FRYL: variants seen among roughly 807,000 people sequenced by gnomAD.
FRYL encodes protein furry homolog-like.
In FRYL, 150 loss-of-function variants were observed where a neutral mutation model predicts 351.2. The observed-to-expected ratio is 0.43, with a 90% confidence interval of 0.37 to 0.49. The LOEUF (loss-of-function observed/expected upper bound fraction) is 0.49. Ranked by LOEUF, FRYL falls within the 20% of genes least tolerant of loss-of-function variation. FRYL has a pLI of 0.00. For synonymous variants in FRYL, 1,153 were observed against 1,257.1 expected (o/e 0.92, Z 1.75); for missense variants, 3,036 against 3,619.3 (o/e 0.84, Z 4.13).
At chr4:48,654,938 AT>A (rs1266454985) in intron 3 of FRYL, among the ~76,000 whole-genome samples, 1 of 152,096 alleles carries the variant, frequency 6.6e-6, no homozygotes, top group Admixed American at 6.6e-5. Context: ...GTTTAGAGTT[AT>A]TTTTTTCCAT....
chr4:48,654,099 CTTTG>C (rs1318311819), intron 3 of FRYL, among the ~76,000 whole-genome samples: 6 of 152,148 alleles, frequency 3.9e-5, no homozygotes, highest in Non-Finnish European at 8.8e-5. Context: ...AGATTATCTT[CTTTG>C]TTTATGTTAC....
intron 1 of FRYL, among the ~76,000 whole-genome samples, chr4:48,737,216 C>A: frequency 6.7e-6 from 1 of 148,632 alleles, no homozygotes; most frequent in Non-Finnish European, 1.5e-5. Flanking sequence ...AAAGATCATG[C>A]CACTGCACTC....
At chr4:48,694,390 C>T (rs1302502597) in intron 2 of FRYL, among the ~76,000 whole-genome samples, 1 of 151,848 alleles carries the variant, frequency 6.6e-6, no homozygotes, top group African/African-American at 2.4e-5. Flanking sequence ...CTCTGCTTCC[C>T]GGGCTCAAGC....
Position 48,500,233 on chromosome 4 carries a change from C to T in FRYL, c.8593-13G>A, listed in dbSNP as rs1719241025. On this transcript the variant is annotated splice_polypyrimidine_tract_variant and intron_variant, in intron 62 of 63. Transcript: ENST00000358350. ...ACATGTTGATGACCTAAAACAAATA[C>T]ATCTTTAAGGATCTATTCGTATGTT... is the stretch of plus-strand genomic sequence containing the variant. The T allele has an allele frequency of 2.0e-6, 3 of 1,526,042 alleles. No homozygotes were observed. The highest frequency in any genetic ancestry group is 4.7e-5 in the Admixed American group (2 of 42,516). The allele number at this position is 1,526,042 out of a possible 1,614,324, so 94.5% of individuals were successfully genotyped here. A position where few individuals can be genotyped will look rare whatever the true frequency, so the allele number is the denominator to read the frequency against.
intron 26 of FRYL, among the ~76,000 whole-genome samples, chr4:48,572,454 TGTAA>T (rs1010781890): frequency 6.6e-6 from 1 of 152,352 alleles, no homozygotes; most frequent in Non-Finnish European, 1.5e-5. Flanking sequence ...CAAAATTCTT[TGTAA>T]AGTTTGCAAA....
chr4:48,763,033 T>C lies in FRYL; in HGVS notation c.-384+17045A>G, dbSNP rs774252058. Among the ~76,000 whole-genome samples, 67 of 126,128 alleles carry C rather than the reference T, an allele frequency of 5.3e-4. 1 individual carries two copies. Among genetic ancestry groups the C allele is most frequent in the Non-Finnish European group, 8.8e-4 (56 of 63,598 alleles). The allele number at this position is 126,128 out of a possible 152,430, so 82.7% of individuals were successfully genotyped here. ...AGAGACAAGGCTCAGGTCCTAATAGTAAAGAAAGAATTATGTTGACTGAAT... is the reference window on the plus strand; with the variant it reads ...AGAGACAAGGCTCAGGTCCTAATAGCAAAGAAAGAATTATGTTGACTGAAT... On this transcript the variant is annotated intron_variant, in intron 1 of 63. Transcript: ENST00000358350.
At chr4:48,672,537 A>G (rs1415018170) in intron 3 of FRYL, among the ~76,000 whole-genome samples, 1 of 152,220 alleles carries the variant, frequency 6.6e-6, no homozygotes, top group Non-Finnish European at 1.5e-5. Context: ...TGTAGTAGGA[A>G]AAAGAAGTCC....
chr4:48,729,389 T>A (rs1319779730), intron 1 of FRYL, among the ~76,000 whole-genome samples: 1 of 152,222 alleles, frequency 6.6e-6, no homozygotes, highest in Non-Finnish European at 1.5e-5. Context: ...GCAGCTGTTC[T>A]CCCAGCACGG....
chr4:48,753,342 G>A (rs1239501311), intron 1 of FRYL, among the ~76,000 whole-genome samples: 1 of 151,972 alleles, frequency 6.6e-6, no homozygotes, highest in Non-Finnish European at 1.5e-5. Context: ...AAGTTAGGGG[G>A]GAAGGTGGAG....
intron 19 of FRYL, among the ~76,000 whole-genome samples, chr4:48,585,206 AT>A (rs1741849241): frequency 6.6e-6 from 1 of 152,208 alleles, no homozygotes; most frequent in Non-Finnish European, 1.5e-5. Context: ...AATGTTTCTT[AT>A]TTCCAATGCT....
chr4:48,545,916 C>T lies in FRYL; in HGVS notation c.5279+151G>A, dbSNP rs558119146. The stretch of plus-strand genomic sequence containing the variant: ...ACTGGCACAAAAGAGTCTTTGATTG[C>T]ATCCTAATTTTCAAAATACTGTGCA... On this transcript the variant is annotated intron_variant, in intron 42 of 63. Transcript: ENST00000358350. 2.5e-5 allele frequency: 17 copies of T among 680,358 alleles called. No individual in the cohort carries two copies. The Admixed American group carries it at 2.6e-4, about 10-fold the overall frequency. The allele number at this position is 680,358 out of a possible 1,614,324, so 42.1% of individuals were successfully genotyped here. A position where few individuals can be genotyped will look rare whatever the true frequency, so the allele number is the denominator to read the frequency against.
At chr4:48,517,488 G>A (rs1300079023) in intron 55 of FRYL, among the ~76,000 whole-genome samples, 3 of 152,146 alleles carry the variant, frequency 2.0e-5, no homozygotes, top group Non-Finnish European at 4.4e-5. Context: ...TTTATATGTA[G>A]ATTATGAGAA....
intron 2 of FRYL, among the ~76,000 whole-genome samples, chr4:48,687,492 C>CGGGGGGGGGGGGGAGGGGG (rs1765256219): frequency 6.4e-5 from 3 of 46,566 alleles, no homozygotes; most frequent in Non-Finnish European, 7.4e-5. Flanking sequence ...CAAATGAGGT[C>CGGGGGGGGGGGGGAGGGGG]GGGGGGGGGG....
rs148309863 is a variant in FRYL at position 48,595,706 on chromosome 4, G to A, written c.1140-8C>T. The A allele has an allele frequency of 1.3e-6, 2 of 1,572,838 alleles. No homozygotes were observed. The highest frequency in any genetic ancestry group is 1.7e-4 in the Middle Eastern group (1 of 5,998). On this transcript the variant is annotated splice_region_variant and splice_polypyrimidine_tract_variant and intron_variant, in intron 14 of 63. Coordinates refer to ENST00000358350, the MANE Select transcript of FRYL (RefSeq NM_015030.2). ...ACTATGCTCATAAGACGACTACAGGGAAAAAGATCTAGTCATAGTGAGATC... is the reference window on the plus strand; with the variant it reads ...ACTATGCTCATAAGACGACTACAGGAAAAAAGATCTAGTCATAGTGAGATC...
At chr4:48,600,673 G>A (rs1474674562) in intron 13 of FRYL, among the ~76,000 whole-genome samples, 1 of 152,054 alleles carries the variant, frequency 6.6e-6, no homozygotes, top group Non-Finnish European at 1.5e-5. Flanking sequence ...CAGCCTTCCA[G>A]AAACATTTAA....
intron 53 of FRYL, 51 bp downstream of exon 53, chr4:48,527,426 T>A (rs1726504841): frequency 2.1e-6 from 3 of 1,447,284 alleles, no homozygotes; most frequent in African/African-American, 2.8e-5. Context: ...AAATCCTTAA[T>A]TCTCATACAA....
chr4:48,670,900 A>C (rs374932098), intron 3 of FRYL, among the ~76,000 whole-genome samples: 296 of 152,316 alleles, frequency 1.9e-3, no homozygotes, highest in African/African-American at 6.5e-3. Flanking sequence ...TAGTGCTGCA[A>C]TAAACATGGG....
At chr4:48,527,843 T>C in intron 52 of FRYL, 128 bp downstream of exon 52, 2 of 987,674 alleles carry the variant, frequency 2.0e-6, no homozygotes, top group Admixed American at 5.2e-5. Flanking sequence ...AGATAAGAAA[T>C]CTTTTTTTCA....
rs529721351 is a variant in FRYL, at chr4:48,672,216, C to T, written c.-81+12457G>A. ...ATAGGTGAGGTTAACTAGTCTAGAG[C>T]GATTAAGTAGCCGGTTCAAGGCAAG... On this transcript the variant is annotated intron_variant, in intron 3 of 63. Transcript: ENST00000358350. 2.1e-4 allele frequency among the ~76,000 whole-genome samples: 32 copies of T among 152,228 alleles called. No homozygotes were observed. In the South Asian group the frequency reaches 4.8e-3, roughly 23 times the overall value.
Sources: allele counts gnomAD v4.1 joint callset (sites outside exome capture counted in the v4.1 genomes callset), GRCh38; gene constraint gnomAD v4.1.1; transcripts MANE v1.5; gene names NCBI Gene and HGNC (gene_info 2026-07-23, HGNC 2026-07-21).